Variants in KAZN observed in about 807,000 individuals in gnomAD.
KAZN encodes the protein kazrin.
KAZN carries 40 observed loss-of-function variants against 87.4 expected under a neutral mutation model. That is an observed-to-expected ratio of 0.46 (90% CI 0.36 to 0.60). The LOEUF (loss-of-function observed/expected upper bound fraction) is 0.60, where lower values mean the gene tolerates loss of function less well. Among genes scored for constraint, KAZN ranks in the 20% least tolerant of loss-of-function variants. KAZN has a pLI of 0.00. For synonymous variants in KAZN, 466 were observed against 458.3 expected (o/e 1.02, Z -0.22); for missense variants, 898 against 1,073.9 (o/e 0.84, Z 2.29).
intron 4 of KAZN, among the ~76,000 whole-genome samples, chr1:15,048,200 C>T (rs1673795337): frequency 6.6e-6 from 1 of 152,256 alleles, no homozygotes. Context: ...TTCGCTGCTT[C>T]ACTTGGGGAA....
intron 1 of KAZN, among the ~76,000 whole-genome samples, chr1:14,767,094 C>T (rs1644904468): frequency 6.6e-6 from 1 of 152,148 alleles, no homozygotes; most frequent in Admixed American, 6.5e-5. Context: ...AATGGGTACG[C>T]TTTCTGTGTT....
intron 1 of KAZN, among the ~76,000 whole-genome samples, chr1:14,687,403 G>A (rs1641015888): frequency 6.6e-6 from 1 of 152,236 alleles, no homozygotes; most frequent in Non-Finnish European, 1.5e-5. Context: ...CCAGAGAGGG[G>A]ACAGCTTCTG....
At chr1:13,961,235 C>A (rs995548711) in intron 1 of KAZN, among the ~76,000 whole-genome samples, 1 of 152,212 alleles carries the variant, frequency 6.6e-6, no homozygotes, top group South Asian at 2.1e-4. Flanking sequence ...ACTTCTACTG[C>A]ACTCAAAGAA....
chr1:14,622,404 A>G (rs1678763862), intron 1 of KAZN, among the ~76,000 whole-genome samples: 1 of 152,142 alleles, frequency 6.6e-6, no homozygotes. Flanking sequence ...TTTTGAAAAT[A>G]TTAAGGCCAG....
chr1:14,627,942 G>A (rs990596677), intron 1 of KAZN, among the ~76,000 whole-genome samples: 1 of 152,080 alleles, frequency 6.6e-6, no homozygotes, highest in Non-Finnish European at 1.5e-5. Flanking sequence ...AGATGTTTCC[G>A]ACGGCTGATG....
chr1:14,059,055 A>G (rs1445440856), intron 1 of KAZN, among the ~76,000 whole-genome samples: 1 of 152,236 alleles, frequency 6.6e-6, no homozygotes, highest in Non-Finnish European at 1.5e-5. Context: ...GGAATTTAGA[A>G]TGAGGAGGTC....
chr1:14,092,092 C>CTTTTTTTT (rs869248379), intron 1 of KAZN, among the ~76,000 whole-genome samples: 1 of 129,092 alleles, frequency 7.7e-6, no homozygotes, highest in Non-Finnish European at 1.7e-5. Flanking sequence ...ATTTTCTTTT[C>CTTTTTTTT]TTTTTTTTTT....
chr1:14,924,601 G>T (rs1658947148), intron 1 of KAZN: 1 of 1,001,018 alleles, frequency 1.0e-6, no homozygotes, highest in South Asian at 4.5e-5. Flanking sequence ...GGGCGGGGCG[G>T]GCGGCGCGGA....
chr1:15,110,291 G>T (rs1337987921), intron 13 of KAZN, among the ~76,000 whole-genome samples: 1 of 151,634 alleles, frequency 6.6e-6, no homozygotes, highest in Admixed American at 6.6e-5. Context: ...GTTTGTGTGT[G>T]TGTATATGTA....
intron 2 of KAZN, among the ~76,000 whole-genome samples, chr1:14,434,220 C>G (rs1666248767): frequency 6.6e-6 from 1 of 152,134 alleles, no homozygotes; most frequent in Non-Finnish European, 1.5e-5. Context: ...TTGGGGCTAT[C>G]ATGAAAAAAA....
chr1:14,405,605 A>AAT (rs200108346), intron 2 of KAZN, among the ~76,000 whole-genome samples: 12,750 of 86,142 alleles, frequency 0.15, 633 homozygotes, highest in East Asian at 0.27. Flanking sequence ...GACCCAATAA[A>AAT]ATGTGTGTGT....
intron 2 of KAZN, among the ~76,000 whole-genome samples, chr1:14,229,501 G>T (rs1157052228): frequency 2.0e-5 from 3 of 152,216 alleles, no homozygotes; most frequent in Non-Finnish European, 2.9e-5. Context: ...AAATGCAAAA[G>T]ATGAACAGAT....
At chr1:14,627,749 A>G (rs1237636475) in intron 1 of KAZN, among the ~76,000 whole-genome samples, 1 of 152,196 alleles carries the variant, frequency 6.6e-6, no homozygotes, top group East Asian at 1.9e-4. Context: ...TCTGGGTAGC[A>G]TAACCCCCGA....
chr1:14,798,575 C>T (rs1645905130), intron 1 of KAZN, among the ~76,000 whole-genome samples: 2 of 151,426 alleles, frequency 1.3e-5, no homozygotes, highest in Non-Finnish European at 2.9e-5. Flanking sequence ...GCTGGGACTA[C>T]AGGCGCCCGC....
chr1:14,711,668 G>A (rs942740831), intron 1 of KAZN, among the ~76,000 whole-genome samples: 28 of 152,164 alleles, frequency 1.8e-4, no homozygotes, highest in African/African-American at 6.8e-4. Flanking sequence ...GCCACTAAGA[G>A]GCCCACACAG....
chr1:14,156,312 G>C (rs764450974), intron 1 of KAZN, among the ~76,000 whole-genome samples: 13 of 152,220 alleles, frequency 8.5e-5, no homozygotes, highest in African/African-American at 2.2e-4. Context: ...AATATTCTGC[G>C]GCTGTTGCAT....
intron 1 of KAZN, among the ~76,000 whole-genome samples, chr1:13,899,278 A>C (rs1451843561): frequency 6.6e-6 from 1 of 152,250 alleles, no homozygotes; most frequent in Non-Finnish European, 1.5e-5. Context: ...ACCTTGTTGC[A>C]TCCTCAGAAG....
At chr1:14,107,578 T>C (rs1480384455) in intron 1 of KAZN, among the ~76,000 whole-genome samples, 1 of 152,116 alleles carries the variant, frequency 6.6e-6, no homozygotes. Flanking sequence ...CACGTTCCAG[T>C]GTTGCAGTTC....
At chr1:14,336,445 G>C (rs908000233) in intron 2 of KAZN, among the ~76,000 whole-genome samples, 3 of 152,158 alleles carry the variant, frequency 2.0e-5, no homozygotes, top group African/African-American at 7.2e-5. Context: ...ATACAAATTT[G>C]ACAGTTTTCA....
Sources: gnomAD v4.1 joint callset for allele counts (sites outside exome capture counted in the v4.1 genomes callset) on GRCh38, gnomAD v4.1.1 for gene constraint, MANE v1.5 for transcripts, NCBI Gene and HGNC (gene_info 2026-07-23, HGNC 2026-07-21) for gene names.